GARIN5B: variants seen among roughly 807,000 people sequenced by gnomAD.
GARIN5B encodes golgi associated RAB2 interactor family member 5B, also known as Golgi-associated RAB2 interactor protein 5B.
the GARIN5B span, chr19:55,358,816 G>C: frequency 1.3e-6 from 2 of 1,547,746 alleles, no homozygotes; most frequent in Admixed American, 2.0e-5. Flanking sequence ...TGTGCTCCTG[G>C]GAGGGGCCCT....
At chr19:55,360,842 G>A in the GARIN5B span, 1 of 1,549,432 alleles carries the variant, frequency 6.5e-7, no homozygotes, top group Non-Finnish European at 8.7e-7. Flanking sequence ...GGTGGGGTGG[G>A]TTGATCTTAC....
the GARIN5B span, chr19:55,362,233 C>T: frequency 9.2e-6 from 14 of 1,517,104 alleles, no homozygotes; most frequent in Non-Finnish European, 1.2e-5. Flanking sequence ...GTCTGTGGAG[C>T]TGGGATCCCA....
At chr19:55,356,880 G>T in the GARIN5B span, among the ~76,000 whole-genome samples, 1 of 151,776 alleles carries the variant, frequency 6.6e-6, no homozygotes, top group Non-Finnish European at 1.5e-5. Context: ...GTGAAACTCC[G>T]TCTCCACTAA....
At chr19:55,361,270 AC>A in the GARIN5B span, 1 of 1,548,964 alleles carries the variant, frequency 6.5e-7, no homozygotes, top group Admixed American at 2.0e-5. Context: ...TGGGTCAGGG[AC>A]CCCAGGGGAG....
At chr19:55,356,907 C>T in the GARIN5B span, among the ~76,000 whole-genome samples, 4 of 152,020 alleles carry the variant, frequency 2.6e-5, no homozygotes, top group Admixed American at 6.6e-5. Flanking sequence ...AAAAATCAGC[C>T]GGGCGTGGTG....
chr19:55,358,672 C>A, the GARIN5B span: 2 of 1,551,280 alleles, frequency 1.3e-6, no homozygotes, highest in African/African-American at 2.7e-5. Context: ...CCATCATTGA[C>A]GTGGCCGACG....
At chr19:55,358,388 A>T in the GARIN5B span, 1 of 1,507,808 alleles carries the variant, frequency 6.6e-7, no homozygotes, top group South Asian at 1.3e-5. Context: ...CGATGGCCGT[A>T]AGTCCTCCCA....
the GARIN5B span, among the ~76,000 whole-genome samples, chr19:55,357,256 T>C: frequency 6.6e-6 from 1 of 152,262 alleles, no homozygotes; most frequent in African/African-American, 2.4e-5. Context: ...ACATCCTCCA[T>C]GCCCCAGCCA....
chr19:55,362,706 G>C, the GARIN5B span: 1 of 1,539,504 alleles, frequency 6.5e-7, no homozygotes, highest in Non-Finnish European at 8.7e-7. Context: ...TGTGATTCAC[G>C]AACACTGGGC....
chr19:55,360,884 G>T, the GARIN5B span: 3 of 1,544,574 alleles, frequency 1.9e-6, no homozygotes, highest in Non-Finnish European at 2.6e-6. Flanking sequence ...GAGTTCTGTC[G>T]GGGCGGGGGT....
chr19:55,356,296 G>A, the GARIN5B span, among the ~76,000 whole-genome samples: 6 of 151,150 alleles, frequency 4.0e-5, no homozygotes, highest in African/African-American at 9.7e-5. Flanking sequence ...CTGCAGCCTC[G>A]ACTTCCCAGT....
the GARIN5B span, among the ~76,000 whole-genome samples, chr19:55,357,239 C>T: frequency 2.6e-5 from 4 of 152,100 alleles, no homozygotes; most frequent in Admixed American, 6.6e-5. Context: ...CCCACTCTTG[C>T]CCCCCTACAT....
At chr19:55,361,214 G>T in the GARIN5B span, 4 of 1,551,170 alleles carry the variant, frequency 2.6e-6, no homozygotes, top group South Asian at 3.6e-5. Flanking sequence ...CGTCTTATGC[G>T]GAAAGTTGCG....
At chr19:55,358,051 CAAA>C in the GARIN5B span, 1,174 of 1,112,662 alleles carry the variant, frequency 1.1e-3, no homozygotes, top group South Asian at 3.1e-3. Context: ...GAGACCCTGT[CAAA>C]AAAAAAAAAA....
the GARIN5B span, chr19:55,361,028 C>T: frequency 1.2e-5 from 19 of 1,550,848 alleles, no homozygotes; most frequent in East Asian, 2.4e-5. Flanking sequence ...TTCCTGACGT[C>T]AGCATGCTCC....
chr19:55,359,682 GC>G, the GARIN5B span: 1 of 1,551,516 alleles, frequency 6.4e-7, no homozygotes. Context: ...CAGGGTGGTG[GC>G]CCCGGCCCCT....
chr19:55,359,846 T>G, the GARIN5B span: 1 of 1,551,494 alleles, frequency 6.4e-7, no homozygotes, highest in Non-Finnish European at 8.7e-7. Flanking sequence ...CGTGTCCTGA[T>G]GCCACAGGCA....
At chr19:55,357,888 T>C in the GARIN5B span, among the ~76,000 whole-genome samples, 1 of 151,964 alleles carries the variant, frequency 6.6e-6, no homozygotes, top group East Asian at 1.9e-4. Flanking sequence ...ACCCCATCTC[T>C]ACTAAAAATA....
the GARIN5B span, chr19:55,360,922 G>A: frequency 7.8e-6 from 12 of 1,542,542 alleles, no homozygotes; most frequent in African/African-American, 2.7e-5. Flanking sequence ...GAGCAATACC[G>A]TGGGACTTTG....
Sources: allele counts gnomAD v4.1 joint callset (sites outside exome capture counted in the v4.1 genomes callset), GRCh38; gene constraint gnomAD v4.1.1; transcripts MANE v1.5; gene names NCBI Gene and HGNC (gene_info 2026-07-23, HGNC 2026-07-21).